The following CSRNP3 variants were observed in gnomAD, a reference collection of about 807,000 sequenced individuals.
CSRNP3 encodes the protein cysteine and serine rich nuclear protein 3.
Under a neutral mutation model 48.0 loss-of-function variants are expected in CSRNP3, and 12 were observed. The observed-to-expected ratio is 0.25, with a 90% CI of 0.16 to 0.41. CSRNP3 has a LOEUF of 0.41. CSRNP3 is among the 10% of genes least tolerant of loss of function. The probability of loss-of-function intolerance (pLI) is 1.00; values close to 1 mark genes in which losing one functional copy is unlikely to be tolerated. For synonymous variants in CSRNP3, 263 were observed against 269.7 expected (o/e 0.98, Z 0.24); for missense variants, 580 against 724.4 (o/e 0.80, Z 2.29).
chr2:165,636,913 TA>T (rs1686637365), intron 4 of CSRNP3, among the ~76,000 whole-genome samples: 1 of 152,182 alleles, frequency 6.6e-6, no homozygotes, highest in Non-Finnish European at 1.5e-5. Flanking sequence ...GGGCAGTCAC[TA>T]GGCAGTAGGG....
At chr2:165,647,411 G>A (rs1686831888) in intron 4 of CSRNP3, among the ~76,000 whole-genome samples, 2 of 152,168 alleles carry the variant, frequency 1.3e-5, no homozygotes, top group Admixed American at 6.5e-5. Context: ...TGAAAAGGCA[G>A]ATACCTCAAT....
chr2:165,610,768 AC>A (rs1686122647), intron 4 of CSRNP3, among the ~76,000 whole-genome samples: 1 of 152,172 alleles, frequency 6.6e-6, no homozygotes, highest in African/African-American at 2.4e-5. Context: ...CCCTTGATTG[AC>A]CGCATCAGGC....
At chr2:165,577,002 G>A (rs1685461391) in intron 3 of CSRNP3, among the ~76,000 whole-genome samples, 1 of 151,796 alleles carries the variant, frequency 6.6e-6, no homozygotes, top group Non-Finnish European at 1.5e-5. Context: ...AGATTTCAGG[G>A]CAAACATGTT....
intron 2 of CSRNP3, among the ~76,000 whole-genome samples, chr2:165,496,262 T>G (rs943802768): frequency 6.6e-6 from 1 of 152,014 alleles, no homozygotes; most frequent in East Asian, 1.9e-4. Context: ...TCTGAGGATA[T>G]GATTCTCCAG....
At chr2:165,592,189 T>A (rs1440127672) in intron 3 of CSRNP3, among the ~76,000 whole-genome samples, 1 of 152,230 alleles carries the variant, frequency 6.6e-6, no homozygotes, top group Non-Finnish European at 1.5e-5. Flanking sequence ...GGCTACCCTA[T>A]TGTAATTTGG....
chr2:165,564,441 G>A (rs1389504815), intron 3 of CSRNP3, among the ~76,000 whole-genome samples: 1 of 151,920 alleles, frequency 6.6e-6, no homozygotes, highest in African/African-American at 2.4e-5. Context: ...AAAAGCCAAA[G>A]TAGAAAATTA....
At chr2:165,558,592 A>G (rs1344124950) in intron 3 of CSRNP3, among the ~76,000 whole-genome samples, 1 of 152,152 alleles carries the variant, frequency 6.6e-6, no homozygotes, top group Non-Finnish European at 1.5e-5. Context: ...ATAATAAGAG[A>G]GTTTGTAAGA....
chr2:165,535,628 G>A (rs887443941), intron 3 of CSRNP3, among the ~76,000 whole-genome samples: 4 of 151,786 alleles, frequency 2.6e-5, no homozygotes, highest in Non-Finnish European at 5.9e-5. Context: ...TATGTCTGAC[G>A]TGATCACAAT....
intron 1 of CSRNP3, among the ~76,000 whole-genome samples, chr2:165,484,930 T>C (rs1684093017): frequency 6.6e-6 from 1 of 152,242 alleles, no homozygotes; most frequent in Non-Finnish European, 1.5e-5. Flanking sequence ...TCTCGCTCTT[T>C]CTTTCTCTTT....
intron 1 of CSRNP3, among the ~76,000 whole-genome samples, chr2:165,479,809 C>T (rs1334079906): frequency 6.6e-6 from 1 of 151,050 alleles, no homozygotes; most frequent in African/African-American, 2.4e-5. Flanking sequence ...CACTTGAACC[C>T]ATGGGGCTGA....
rs879942288 is a variant in CSRNP3, at chr2:165,492,435, C to T, written c.-282-2324C>T. 5.3e-5 allele frequency among the ~76,000 whole-genome samples: 8 copies of T among 152,062 alleles called. No homozygotes were observed. In the East Asian group the frequency reaches 1.5e-3, roughly 29 times the overall value. ...CCACTGTGTCTCTCTTGGGCTTTGG[C>T]ACACACCATTCCTTTGTCCTAGACT... On this transcript the variant is annotated intron_variant, in intron 1 of 6. Transcript: ENST00000651982.
At chr2:165,674,659 C>CAT (rs1172788530) in intron 5 of CSRNP3, among the ~76,000 whole-genome samples, 10 of 114,054 alleles carry the variant, frequency 8.8e-5, no homozygotes, top group Non-Finnish European at 1.7e-4. Flanking sequence ...ATAAAGTATT[C>CAT]ATATATATAT....
chr2:165,588,063 T>C (rs1215853654), intron 3 of CSRNP3, among the ~76,000 whole-genome samples: 3 of 152,032 alleles, frequency 2.0e-5, no homozygotes, highest in Non-Finnish European at 4.4e-5. Context: ...TATCAGGAGA[T>C]GAAAACAGTA....
Position 165,489,154 on chromosome 2 carries a change from G to C in CSRNP3, c.-282-5605G>C, listed in dbSNP as rs552702482. Among the ~76,000 whole-genome samples, 6 of 150,890 alleles carry C rather than the reference G, an allele frequency of 4.0e-5. No homozygotes were observed. The East Asian group carries it at 9.7e-4, about 24-fold the overall frequency. On this transcript the variant is annotated intron_variant, in intron 1 of 6. Coordinates refer to ENST00000651982, the MANE Select transcript of CSRNP3 (RefSeq NM_001172173.2). ...CACAGAAATACAAACTACCATCAGAGAATACTACAAACACCTCTACACAAA... is the reference window on the plus strand; with the variant it reads ...CACAGAAATACAAACTACCATCAGACAATACTACAAACACCTCTACACAAA...
At chr2:165,542,048 A>G (rs1684965170) in intron 3 of CSRNP3, among the ~76,000 whole-genome samples, 1 of 152,236 alleles carries the variant, frequency 6.6e-6, no homozygotes, top group South Asian at 2.1e-4. Flanking sequence ...TACTGTCACA[A>G]CCTTTGAGGA....
chr2:165,497,926 A>G (rs1295246342), intron 2 of CSRNP3, among the ~76,000 whole-genome samples: 1 of 152,044 alleles, frequency 6.6e-6, no homozygotes, highest in African/African-American at 2.4e-5. Flanking sequence ...AATAGAATGA[A>G]TCTATCTTTT....
At chr2:165,507,598 A>C (rs1216752738) in intron 2 of CSRNP3, among the ~76,000 whole-genome samples, 1 of 151,990 alleles carries the variant, frequency 6.6e-6, no homozygotes, top group Admixed American at 6.6e-5. Context: ...GATATCATAC[A>C]TTTTTTCCTT....
intron 3 of CSRNP3, among the ~76,000 whole-genome samples, chr2:165,521,428 C>G (rs1448106898): frequency 6.6e-6 from 1 of 152,114 alleles, no homozygotes; most frequent in Admixed American, 6.5e-5. Flanking sequence ...TTTCATCCTC[C>G]CTTCATTTGC....
chr2:165,572,295 C>G (rs1685385554), intron 3 of CSRNP3: 1 of 152,038 alleles, frequency 6.6e-6, no homozygotes, highest in Non-Finnish European at 1.5e-5. Context: ...AGTGGCACGC[C>G]TGGCTCTCTC....
Sources: gnomAD v4.1 joint callset for allele counts (sites outside exome capture counted in the v4.1 genomes callset) on GRCh38, gnomAD v4.1.1 for gene constraint, MANE v1.5 for transcripts, NCBI Gene and HGNC (gene_info 2026-07-23, HGNC 2026-07-21) for gene names.